EXOC3: variants seen among roughly 807,000 people sequenced by gnomAD.
EXOC3 encodes SEC6-like 1.
EXOC3 carries 21 observed loss-of-function variants against 73.7 expected under a neutral mutation model. The ratio of observed to expected loss-of-function variants is 0.29; its 90% CI spans 0.20 to 0.41. EXOC3 has a LOEUF of 0.41. EXOC3 is among the 10% of genes least tolerant of loss of function. The pLI, the probability that EXOC3 is intolerant of heterozygous loss-of-function variation, is 1.00. For synonymous variants in EXOC3, 410 were observed against 389.1 expected (o/e 1.05, Z -0.63); for missense variants, 842 against 985.1 (o/e 0.85, Z 1.95).
chr5:443,321 G>C (rs1384704623), intron 1 of EXOC3, 31 bp downstream of exon 1: 7 of 150,106 alleles, frequency 4.7e-5, no homozygotes, highest in Non-Finnish European at 1.1e-4. Context: ...GACGGCCGGC[G>C]GGTCCTTGGG....
At chr5:450,123 G>T (rs889714548) in intron 3 of EXOC3, among the ~76,000 whole-genome samples, 9 of 152,178 alleles carry the variant, frequency 5.9e-5, no homozygotes, top group Non-Finnish European at 1.3e-4. Flanking sequence ...GCAGGCGCCT[G>T]TAATCCCAGC....
chr5:466,733 C>T lies in EXOC3; in HGVS notation c.2073C>T (p.Asp691=). The change falls in exon 13 of 13, where the codon GAC becomes GAT. Residue 691 remains aspartate (D), a synonymous_variant. Coordinates refer to ENST00000512944, the MANE Select transcript of EXOC3 (RefSeq NM_007277.5). ...LVSKYPDIRD[D]HIGALLAVRG... is the part of the protein sequence containing the mutation. Reference sequence around the variant, plus strand: ...GACATCTCCCCATCCCCAGGGATGACCACATCGGTGCGCTGCTGGCTGTGC... The same window carrying T: ...GACATCTCCCCATCCCCAGGGATGATCACATCGGTGCGCTGCTGGCTGTGC... The T allele has an allele frequency of 6.2e-7, 1 of 1,612,290 alleles. No individual in the cohort carries two copies. Among genetic ancestry groups the T allele is most frequent in the East Asian group, 2.2e-5 (1 of 44,870 alleles).
intron 10 of EXOC3, 184 bp from the exon 11 acceptor site, chr5:464,927 T>C: frequency 3.1e-6 from 2 of 653,460 alleles, no homozygotes; most frequent in Non-Finnish European, 5.1e-6. Context: ...CAGGTCACCG[T>C]CACTGTTCCC....
chr5:458,662 C>T lies in EXOC3; in HGVS notation c.1290+637C>T, dbSNP rs2458760. Among the ~76,000 whole-genome samples, 69 of 152,274 alleles carry T rather than the reference C, an allele frequency of 4.5e-4. No individual in the cohort carries two copies. In the East Asian group the frequency reaches 0.013, roughly 28 times the overall value. ...TACCACGGATTCACTTTCCAGTGTC[C>T]GACCGCCCTGTGTCCCGTTTTTCCT... On this transcript the variant is annotated intron_variant, in intron 6 of 12. Transcript: ENST00000512944.
In EXOC3 at chr5:466,789, C is replaced by G; in HGVS notation, c.2129C>G (p.Thr710Ser). Residue 710 changes from threonine to serine, a missense_variant, in exon 13 of 13, where the codon ACC becomes AGC. Thr to Ser is a moderately conservative substitution (Grantham distance 58). Transcript: ENST00000512944. Reference protein sequence around the residue: ...RGDASRDMKQTIMETLEQGPA... With the variant: ...RGDASRDMKQSIMETLEQGPA... ...GACGCCAGCCGTGACATGAAGCAGA[C>G]CATCATGGAGACCCTGGAGCAGGGC... 1 of 1,613,452 alleles carries G rather than the reference C, an allele frequency of 6.2e-7. No homozygotes were observed. The highest frequency in any genetic ancestry group is 8.5e-7 in the Non-Finnish European group (1 of 1,179,824).
chr5:450,376 A>G (rs1038323358), intron 3 of EXOC3, among the ~76,000 whole-genome samples: 2 of 152,164 alleles, frequency 1.3e-5, no homozygotes, highest in African/African-American at 4.8e-5. Flanking sequence ...CTGATTTCTA[A>G]TGTCATCTGT....
rs180804475 is a variant in EXOC3 at position 455,523 on chromosome 5, G to A, written c.1047-1366G>A. Among the ~76,000 whole-genome samples, 552 of 152,296 alleles carry A rather than the reference G, an allele frequency of 3.6e-3. 4 individuals carry two copies. Among genetic ancestry groups the A allele is most frequent in the South Asian group, 0.012 (58 of 4,824 alleles). ...GTACTTTTTCACTTAGGAAGCTCTC[G>A]GATTTCTTATAGTGGACTGGCTCTT... On this transcript the variant is annotated intron_variant, in intron 4 of 12. Coordinates refer to ENST00000512944, the MANE Select transcript of EXOC3 (RefSeq NM_007277.5).
Position 464,340 on chromosome 5 carries a change from T to C in EXOC3, c.1704T>C (p.Ala568=). 6.2e-7 allele frequency: 1 copy of C among 1,613,630 alleles called. No homozygotes were observed. The highest frequency in any genetic ancestry group is 8.5e-7 in the Non-Finnish European group (1 of 1,179,526). The change falls in exon 10 of 13, where the codon GCT becomes GCC. Residue 568 remains alanine, a synonymous_variant. Coordinates refer to ENST00000512944, the MANE Select transcript of EXOC3 (RefSeq NM_007277.5). ...MTKKWLLGSN[A]VDIICVTVED... The stretch of plus-strand genomic sequence containing the variant: ...AGAAGTGGCTATTAGGGTCAAACGC[T>C]GTAGACATTATCTGTGTCACCGTGG...
At chr5:443,930 G>A (rs1255123818) in intron 1 of EXOC3, among the ~76,000 whole-genome samples, 1 of 151,676 alleles carries the variant, frequency 6.6e-6, no homozygotes, top group Non-Finnish European at 1.5e-5. Flanking sequence ...AGCTTTCAAG[G>A]TGCAGGTGTC....
intron 3 of EXOC3, among the ~76,000 whole-genome samples, chr5:451,216 C>G (rs766268519): frequency 3.9e-4 from 59 of 152,010 alleles, no homozygotes; most frequent in Non-Finnish European, 6.5e-4. Flanking sequence ...TAGCTGTTTT[C>G]TTTGTGCCTA....
At chr5:457,508 G>A (rs185444556) in intron 5 of EXOC3, 6 of 225,480 alleles carry the variant, frequency 2.7e-5, no homozygotes, top group Admixed American at 1.6e-4. Context: ...GGGAAGGAGC[G>A]CTGTCTTCTC....
intron 7 of EXOC3, among the ~76,000 whole-genome samples, chr5:461,304 T>G (rs1341905779): frequency 6.6e-6 from 1 of 152,260 alleles, no homozygotes; most frequent in East Asian, 1.9e-4. Flanking sequence ...AATTTTTATA[T>G]TTTTTAATTG....
chr5:446,081 C>T, intron 1 of EXOC3, 69 bp from the exon 2 acceptor site: 1 of 1,076,036 alleles, frequency 9.3e-7, no homozygotes, highest in African/African-American at 1.6e-5. Context: ...TGTAGCTCCA[C>T]TGTGATCACC....
chr5:447,852 AC>A (rs1737551164), intron 3 of EXOC3, 100 bp downstream of exon 3: 8 of 787,498 alleles, frequency 1.0e-5, no homozygotes, highest in Non-Finnish European at 1.6e-5. Context: ...CGCACTGTAG[AC>A]CTGTAGACGG....
At chr5:457,802 T>C (rs2126582133) in intron 5 of EXOC3, 98 bp from the exon 6 acceptor site, 1 of 1,318,190 alleles carries the variant, frequency 7.6e-7, no homozygotes, top group East Asian at 2.5e-5. Flanking sequence ...TGTGTCTGGT[T>C]TGTGGAGCTT....
At chr5:459,934 T>G (rs1737934986) in intron 7 of EXOC3, among the ~76,000 whole-genome samples, 1 of 152,242 alleles carries the variant, frequency 6.6e-6, no homozygotes. Flanking sequence ...GAAAAGAGTT[T>G]AAAAAACTGT....
At position 465,257 on chromosome 5, in the gene EXOC3, C is replaced by G. The variant is rs1738107955; in HGVS notation, c.1923C>G (p.Phe641Leu). The G allele has an allele frequency of 7.6e-6, 12 of 1,586,898 alleles. No individual in the cohort carries two copies. The highest frequency in any genetic ancestry group is 1.0e-5 in the Non-Finnish European group (12 of 1,167,242). Reference sequence around the variant, plus strand: ...AGGCAGAGCAGCTGCGCTTCCTGTTCCGGAAGCTGGCGTCCGTGAGTGTCG... The same window carrying G: ...AGGCAGAGCAGCTGCGCTTCCTGTTGCGGAAGCTGGCGTCCGTGAGTGTCG... ...VREAEQLRFL[F>L]RKLASGFGED... is the part of the protein sequence containing the mutation. Residue 641 changes from phenylalanine to leucine, a missense_variant, in exon 11 of 13, where the codon TTC becomes TTG. By Grantham distance (22) the Phe-to-Leu change is conservative. Transcript: ENST00000512944.
chr5:458,043 C>A lies in EXOC3; in HGVS notation c.1290+18C>A. ...TCTTCCAGGTACCACCTGCAGGGGA[C>A]TGGCACAGTTCCGTTTCCTAGGTGG... On this transcript the variant is annotated intron_variant, in intron 6 of 12. Coordinates refer to ENST00000512944, the MANE Select transcript of EXOC3 (RefSeq NM_007277.5). 15 of 1,610,508 alleles carry A rather than the reference C, an allele frequency of 9.3e-6. No homozygotes were observed. Among genetic ancestry groups the A allele is most frequent in the Non-Finnish European group, 1.3e-5 (15 of 1,178,160 alleles).
In EXOC3 at chr5:465,190, G is replaced by A. The variant is rs779259354; in HGVS notation, c.1856G>A (p.Ser619Asn). ...ATGCAGAAGCGCATTTCCTTCCGGA[G>A]CCCGGAGGAGCGCAAGGAGGGTGCC... ...AVMQKRISFR[S>N]PEERKEGAEK... Residue 619 changes from serine (S) to asparagine (N), a missense_variant, in exon 11 of 13, where the codon AGC becomes AAC. Coordinates refer to ENST00000512944, the MANE Select transcript of EXOC3 (RefSeq NM_007277.5). The A allele has an allele frequency of 1.3e-6, 2 of 1,594,926 alleles. No homozygotes were observed. Among genetic ancestry groups the A allele is most frequent in the Non-Finnish European group, 1.7e-6 (2 of 1,171,182 alleles).
Sources: gnomAD v4.1 joint callset for allele counts (sites outside exome capture counted in the v4.1 genomes callset) on GRCh38, gnomAD v4.1.1 for gene constraint, MANE v1.5 for transcripts, NCBI Gene and HGNC (gene_info 2026-07-23, HGNC 2026-07-21) for gene names.